KCND3: variants seen among roughly 807,000 people sequenced by gnomAD.
The protein encoded by KCND3 is potassium voltage-gated channel subfamily D member 3.
KCND3 carries 9 observed loss-of-function variants against 51.1 expected under a neutral mutation model. The observed-to-expected ratio is 0.18, with a 90% CI of 0.11 to 0.31. The LOEUF is 0.31. KCND3 is among the 10% of genes least tolerant of loss of function. The pLI, the probability that KCND3 is intolerant of heterozygous loss-of-function variation, is 1.00. For missense variants in KCND3, 526 were observed against 903.8 expected (o/e 0.58, Z 5.36); for synonymous variants, 349 against 368.0 (o/e 0.95, Z 0.59).
intron 2 of KCND3, among the ~76,000 whole-genome samples, chr1:111,815,883 T>TC (rs898389148): frequency 6.3e-4 from 95 of 151,198 alleles, no homozygotes; most frequent in East Asian, 1.2e-3. Context: ...TCCTGGATGT[T>TC]CCCCCCCCAC....
At chr1:111,806,453 T>A (rs1231718059) in intron 2 of KCND3, among the ~76,000 whole-genome samples, 1 of 152,190 alleles carries the variant, frequency 6.6e-6, no homozygotes, top group Non-Finnish European at 1.5e-5. Context: ...AAAATCGTGG[T>A]CCTCAACCTG....
intron 2 of KCND3, among the ~76,000 whole-genome samples, chr1:111,958,029 AG>A (rs1277041559): frequency 2.0e-5 from 3 of 152,164 alleles, no homozygotes; most frequent in Non-Finnish European, 2.9e-5. Context: ...CCTGCAACTC[AG>A]GGTGTAGCAG....
chr1:111,920,585 G>A (rs930402952), intron 2 of KCND3, among the ~76,000 whole-genome samples: 5 of 152,180 alleles, frequency 3.3e-5, no homozygotes, highest in South Asian at 2.1e-4. Context: ...AAATGTGAGC[G>A]AAGGGGCAGC....
At chr1:111,908,719 A>G (rs528225082) in intron 2 of KCND3, among the ~76,000 whole-genome samples, 15 of 152,266 alleles carry the variant, frequency 9.9e-5, no homozygotes, top group Non-Finnish European at 1.5e-4. Flanking sequence ...GACTTAATTC[A>G]ACACTTTTTT....
intron 2 of KCND3, among the ~76,000 whole-genome samples, chr1:111,806,254 G>A (rs759671604): frequency 2.6e-5 from 4 of 152,218 alleles, no homozygotes; most frequent in Non-Finnish European, 5.9e-5. Context: ...AGCCTGGCCT[G>A]CTGTTTCCCC....
chr1:111,892,398 C>T (rs1022377634), intron 2 of KCND3, among the ~76,000 whole-genome samples: 2 of 152,174 alleles, frequency 1.3e-5, no homozygotes, highest in African/African-American at 4.8e-5. Context: ...GTCTTGAGAC[C>T]TCAGGCAAGT....
chr1:111,977,316 G>T (rs1462052471), intron 2 of KCND3, among the ~76,000 whole-genome samples: 1 of 152,188 alleles, frequency 6.6e-6, no homozygotes, highest in African/African-American at 2.4e-5. Context: ...ATTCTGTGGT[G>T]TGCCTGTATT....
intron 2 of KCND3, among the ~76,000 whole-genome samples, chr1:111,906,307 C>T (rs1470504971): frequency 1.3e-5 from 2 of 152,198 alleles, no homozygotes; most frequent in Non-Finnish European, 2.9e-5. Flanking sequence ...CGAACATCTG[C>T]ACCACCTCCT....
chr1:111,902,118 C>G (rs891079022), intron 2 of KCND3, among the ~76,000 whole-genome samples: 2 of 152,196 alleles, frequency 1.3e-5, no homozygotes, highest in African/African-American at 4.8e-5. Context: ...AGAGGTGTAT[C>G]CTTGCTCCCA....
intron 2 of KCND3, among the ~76,000 whole-genome samples, chr1:111,848,709 C>T (rs1044893878): frequency 6.6e-6 from 1 of 152,178 alleles, no homozygotes; most frequent in African/African-American, 2.4e-5. Flanking sequence ...CCTCTTGGCT[C>T]CGAGACCTTG....
intron 2 of KCND3, among the ~76,000 whole-genome samples, chr1:111,828,960 T>G (rs745398415): frequency 6.6e-6 from 1 of 152,210 alleles, no homozygotes; most frequent in Non-Finnish European, 1.5e-5. Flanking sequence ...CCTGGCTTTC[T>G]GCCTTTCTCA....
chr1:111,773,261 T>G lies in KCND3; in HGVS notation c.*2816A>C, dbSNP rs1304319433. The G allele has an allele frequency of 6.6e-6, 1 of 152,102 alleles. No individual in the cohort carries two copies. The highest frequency in any genetic ancestry group is 2.4e-5 in the African/African-American group (1 of 41,414). The allele number at this position is 152,102 out of a possible 1,614,324, so 9.4% of individuals were successfully genotyped here. ...GACATGATATTTAACATTTATTAATTTTTGTGGGAACCAGTAAAATGTTCC... is the reference window on the plus strand; with the variant it reads ...GACATGATATTTAACATTTATTAATGTTTGTGGGAACCAGTAAAATGTTCC... On this transcript the variant is annotated 3_prime_UTR_variant, in exon 8 of 8. Coordinates refer to ENST00000302127, the MANE Select transcript of KCND3 (RefSeq NM_001378969.1).
At chr1:111,931,355 A>C (rs933560615) in intron 2 of KCND3, among the ~76,000 whole-genome samples, 3 of 152,192 alleles carry the variant, frequency 2.0e-5, no homozygotes, top group African/African-American at 4.8e-5. Context: ...TCATACACCC[A>C]AAATAAACAA....
At chr1:111,889,116 G>A (rs549078621) in intron 2 of KCND3, among the ~76,000 whole-genome samples, 11 of 152,330 alleles carry the variant, frequency 7.2e-5, no homozygotes, top group African/African-American at 2.6e-4. Flanking sequence ...GTGGCTGCAG[G>A]GCTGGGGTTC....
intron 2 of KCND3, among the ~76,000 whole-genome samples, chr1:111,809,313 TC>T (rs66955874): frequency 0.082 from 11,855 of 144,966 alleles, 868 homozygotes; most frequent in African/African-American, 0.18. Context: ...TATTTTTCTT[TC>T]TTTTTTTTTT....
intron 2 of KCND3, among the ~76,000 whole-genome samples, chr1:111,848,683 A>C (rs1667673997): frequency 1.3e-5 from 2 of 152,204 alleles, no homozygotes; most frequent in East Asian, 3.9e-4. Context: ...ACCCAGCAGA[A>C]GTCCTGACTT....
chr1:111,782,579 G>A (rs1664432454), intron 3 of KCND3, among the ~76,000 whole-genome samples: 1 of 152,288 alleles, frequency 6.6e-6, no homozygotes, highest in African/African-American at 2.4e-5. Context: ...TGAGGATGTG[G>A]CTGCAATTGC....
chr1:111,930,295 G>C (rs1487779019), intron 2 of KCND3, among the ~76,000 whole-genome samples: 1 of 152,180 alleles, frequency 6.6e-6, no homozygotes, highest in East Asian at 1.9e-4. Context: ...CCCCAAAAGG[G>C]GGTCTCATAT....
In KCND3 at chr1:111,907,160, A is replaced by G. The variant is rs548894235; in HGVS notation, c.1106+74461T>C. 1.3e-4 allele frequency among the ~76,000 whole-genome samples: 20 copies of G among 152,352 alleles called. 1 individual carries two copies. The highest frequency in any genetic ancestry group is 4.6e-4 in the African/African-American group (19 of 41,586). ...CACAAGTGTGCAATAGAGATTGATGAACTGATCTCCATGAGAGAACAGACT... is the reference window on the plus strand; with the variant it reads ...CACAAGTGTGCAATAGAGATTGATGGACTGATCTCCATGAGAGAACAGACT... On this transcript the variant is annotated intron_variant, in intron 2 of 7. Transcript: ENST00000302127.
Sources: gnomAD v4.1 joint callset for allele counts (sites outside exome capture counted in the v4.1 genomes callset) on GRCh38, gnomAD v4.1.1 for gene constraint, MANE v1.5 for transcripts, NCBI Gene and HGNC (gene_info 2026-07-23, HGNC 2026-07-21) for gene names.